PTPRG: variants seen among roughly 807,000 people sequenced by gnomAD.
The protein encoded by PTPRG is receptor-type tyrosine-protein phosphatase gamma.
Under a neutral mutation model 165.3 loss-of-function variants are expected in PTPRG, and 102 were observed. That is an observed-to-expected ratio of 0.62 (90% CI 0.53 to 0.73). The LOEUF (loss-of-function observed/expected upper bound fraction) is 0.73. PTPRG is among the 30% of genes least tolerant of loss of function. The pLI is 0.00. For synonymous variants in PTPRG, 675 were observed against 669.5 expected, an observed-to-expected ratio of 1.01 and a Z score of -0.13; for missense variants, 1,866 against 1,861.4, an observed-to-expected ratio of 1.00 and a Z score of -0.05.
chr3:62,150,211 G>A (rs954444228), intron 6 of PTPRG, among the ~76,000 whole-genome samples: 23 of 152,232 alleles, frequency 1.5e-4, no homozygotes, highest in Non-Finnish European at 3.1e-4. Context: ...GAGTAATGAA[G>A]AAATGTTCTG....
intron 2 of PTPRG, among the ~76,000 whole-genome samples, chr3:61,903,343 G>A (rs2038547662): frequency 3.3e-5 from 5 of 152,180 alleles, no homozygotes. Context: ...ATGCGATACT[G>A]ATACTGCAGT....
Position 62,214,092 on chromosome 3 carries a change from C to T in PTPRG, c.2156-4759C>T, listed in dbSNP as rs1372015590. On this transcript the variant is annotated intron_variant, in intron 12 of 29. Transcript: ENST00000474889. This position sits in a 1 kb window ranked among gnomAD's most constrained non-coding sequence, Gnocchi z 5.2. ...TCTAGTCTCAGGGCAAACTGAGATTCTAGCTCTTTACCAGCAATCTCATCA... is the reference window on the plus strand; with the variant it reads ...TCTAGTCTCAGGGCAAACTGAGATTTTAGCTCTTTACCAGCAATCTCATCA... 1.3e-5 allele frequency among the ~76,000 whole-genome samples: 2 copies of T among 152,178 alleles called. No individual in the cohort carries two copies. Among genetic ancestry groups the T allele is most frequent in the Admixed American group, 1.3e-4 (2 of 15,278 alleles).
chr3:62,272,097 CA>C lies in PTPRG; in HGVS notation c.3182+553del, dbSNP rs1051790182. 4.2e-3 allele frequency among the ~76,000 whole-genome samples: 573 copies of C among 136,454 alleles called. 4 individuals carry two copies. Among genetic ancestry groups the C allele is most frequent in the African/African-American group, 0.013 (488 of 37,252 alleles). 89.5% of individuals were successfully genotyped at this position (136,454 alleles called of 152,430 possible). On this transcript the variant is annotated intron_variant, in intron 21 of 29. Coordinates refer to ENST00000474889, the MANE Select transcript of PTPRG (RefSeq NM_002841.4). ...GTGATGATAGAGCAAGATCATGACT[CA>C]AAAAAAAAAAGAAAAAATTACAAAA...
At chr3:61,938,070 G>A (rs2039522922) in intron 2 of PTPRG, among the ~76,000 whole-genome samples, 2 of 151,596 alleles carry the variant, frequency 1.3e-5, no homozygotes, top group South Asian at 4.2e-4. Context: ...TTCTAAGACT[G>A]CATTTGAAGT....
At chr3:61,566,375 A>T (rs1699914551) in intron 1 of PTPRG, among the ~76,000 whole-genome samples, 1 of 152,274 alleles carries the variant, frequency 6.6e-6, no homozygotes. Flanking sequence ...AAGTTAACAG[A>T]GTAGAATCAG....
At chr3:62,121,254 A>G (rs1703060546) in intron 5 of PTPRG, among the ~76,000 whole-genome samples, 1 of 151,964 alleles carries the variant, frequency 6.6e-6, no homozygotes, top group South Asian at 2.1e-4. Flanking sequence ...CGCCCAGCCT[A>G]TAGCTACAGC....
intron 2 of PTPRG, among the ~76,000 whole-genome samples, chr3:61,776,892 T>C (rs1280383258): frequency 2.0e-5 from 3 of 152,146 alleles, no homozygotes; most frequent in Admixed American, 6.6e-5. Context: ...GAATTAATTA[T>C]TGCACGCCTG....
chr3:61,633,797 T>C (rs539351659), intron 1 of PTPRG, among the ~76,000 whole-genome samples: 6 of 152,158 alleles, frequency 3.9e-5, no homozygotes, highest in Admixed American at 2.6e-4. Context: ...AGGAAAAATA[T>C]ATAGTCTTTT....
chr3:62,040,312 G>T lies in PTPRG; in HGVS notation c.519+36815G>T, dbSNP rs992411790. ...CCAGTAACAAAGGCACACTTGAAAT[G>T]TACTTATCTGGCAGTGAGCACCTAT... is the stretch of plus-strand genomic sequence containing the variant. On this transcript the variant is annotated intron_variant, in intron 4 of 29. Coordinates refer to ENST00000474889, the MANE Select transcript of PTPRG (RefSeq NM_002841.4). Among the ~76,000 whole-genome samples, 3 of 152,188 alleles carry T rather than the reference G, an allele frequency of 2.0e-5. No individual in the cohort carries two copies. In the East Asian group the frequency reaches 5.8e-4, roughly 29 times the overall value.
chr3:62,195,274 T>G lies in PTPRG; in HGVS notation c.1327+104T>G. 1 of 1,042,332 alleles carries G rather than the reference T, an allele frequency of 9.6e-7. No individual in the cohort carries two copies. Among genetic ancestry groups the G allele is most frequent in the Non-Finnish European group, 1.5e-6 (1 of 680,350 alleles). 64.6% of individuals were successfully genotyped at this position (1,042,332 alleles called of 1,614,324 possible). On this transcript the variant is annotated intron_variant, in intron 10 of 29. Transcript: ENST00000474889. This position sits in a 1 kb window ranked among gnomAD's most constrained non-coding sequence, Gnocchi z 4.4. Reference sequence around the variant, plus strand: ...TGCTGGGGAAAAATACAAACAAGCCTGGCAGAAGAATCAGTGTAGGGTTTT... The same window carrying G: ...TGCTGGGGAAAAATACAAACAAGCCGGGCAGAAGAATCAGTGTAGGGTTTT...
Position 62,240,178 on chromosome 3 carries a change from C to CA in PTPRG, c.2376-3629_2376-3628insA, listed in dbSNP as rs1701125714. Among the ~76,000 whole-genome samples the CA allele has an allele frequency of 1.3e-5, 2 of 152,178 alleles. No individual in the cohort carries two copies. The highest frequency in any genetic ancestry group is 3.9e-4 in the East Asian group (2 of 5,172). On this transcript the variant is annotated intron_variant, in intron 14 of 29. Coordinates refer to ENST00000474889, the MANE Select transcript of PTPRG (RefSeq NM_002841.4). This position sits in a 1 kb window ranked among gnomAD's most constrained non-coding sequence, Gnocchi z 5.1. ...AGATGCATATAGAATGATCTCATTT[C>CA]GTTTTTTAAAAATAAAACCCCCATG...
chr3:61,637,882 A>G (rs926905218), intron 1 of PTPRG, among the ~76,000 whole-genome samples: 3 of 152,102 alleles, frequency 2.0e-5, no homozygotes, highest in Admixed American at 2.0e-4. Flanking sequence ...AGAGATGAGC[A>G]TAGCCATCTT....
intron 1 of PTPRG, among the ~76,000 whole-genome samples, chr3:61,656,325 C>A (rs1702509010): frequency 6.6e-6 from 1 of 152,122 alleles, no homozygotes; most frequent in African/African-American, 2.4e-5. Flanking sequence ...TGAGGTGACA[C>A]AGAAGTGGTC....
chr3:62,137,821 C>A (rs913221776), intron 6 of PTPRG, among the ~76,000 whole-genome samples: 2 of 152,172 alleles, frequency 1.3e-5, no homozygotes, highest in African/African-American at 4.8e-5. Flanking sequence ...TAAGAGAAGA[C>A]CACACCTCAA....
intron 8 of PTPRG, among the ~76,000 whole-genome samples, chr3:62,168,928 G>C (rs1705103682): frequency 1.3e-5 from 2 of 152,114 alleles, no homozygotes; most frequent in African/African-American, 4.8e-5. Context: ...ATAGGGAGCT[G>C]GAAGGGGTAT....
chr3:61,678,816 C>G (rs1485607796), intron 1 of PTPRG, among the ~76,000 whole-genome samples: 1 of 152,036 alleles, frequency 6.6e-6, no homozygotes, highest in Non-Finnish European at 1.5e-5. Flanking sequence ...TTTTGTTCTC[C>G]AAAAGTAAAT....
chr3:62,164,911 C>T (rs749064112), intron 7 of PTPRG, among the ~76,000 whole-genome samples: 10 of 152,218 alleles, frequency 6.6e-5, no homozygotes, highest in Non-Finnish European at 1.2e-4. Context: ...TTTCTGGCAT[C>T]TCAGAGATTA....
intron 2 of PTPRG, 148 bp from the exon 3 acceptor site, chr3:61,989,476 GC>G: frequency 1.5e-6 from 1 of 671,562 alleles, no homozygotes; most frequent in Non-Finnish European, 2.4e-6. Flanking sequence ...GTCACATCAG[GC>G]CAATGGCTTT....
intron 2 of PTPRG, among the ~76,000 whole-genome samples, chr3:61,802,232 G>A (rs1017157933): frequency 6.6e-6 from 1 of 152,144 alleles, no homozygotes; most frequent in African/African-American, 2.4e-5. Flanking sequence ...CCCTGGTGTA[G>A]TCATTGCCAG....
Sources: gnomAD v4.1 joint callset for allele counts (sites outside exome capture counted in the v4.1 genomes callset) on GRCh38, gnomAD v4.1.1 for gene constraint, Gnocchi (gnomAD v3.1) non-coding constraint, MANE v1.5 for transcripts, NCBI Gene and HGNC (gene_info 2026-07-23, HGNC 2026-07-21) for gene names.